The following SCAPER variants were observed in gnomAD, a reference collection of about 807,000 sequenced individuals.
SCAPER encodes the protein S-phase cyclin A associated protein in the ER, also known as S phase cyclin A-associated protein in the endoplasmic reticulum.
A neutral mutation model predicts 182.2 loss-of-function variants in SCAPER; 98 were observed. The observed-to-expected ratio is 0.54, with a 90% CI of 0.46 to 0.64. The LOEUF (loss-of-function observed/expected upper bound fraction) is 0.64, where lower values mean the gene tolerates loss of function less well. Ranked by LOEUF, SCAPER falls within the 30% of genes least tolerant of loss-of-function variation. SCAPER has a pLI of 0.00. For synonymous variants in SCAPER, 605 were observed against 564.6 expected (o/e 1.07, Z -1.01); for missense variants, 1,432 against 1,690.0 (o/e 0.85, Z 2.68).
chr15:76,745,612 G>A (rs2061755717), intron 15 of SCAPER, among the ~76,000 whole-genome samples: 1 of 152,056 alleles, frequency 6.6e-6, no homozygotes, highest in Non-Finnish European at 1.5e-5. Flanking sequence ...ACTATAAATG[G>A]TAGCTGATCT....
At chr15:76,556,305 C>T (rs543396132) in intron 23 of SCAPER, among the ~76,000 whole-genome samples, 2 of 152,158 alleles carry the variant, frequency 1.3e-5, no homozygotes, top group South Asian at 4.1e-4. Context: ...TAACCTACCA[C>T]CACACCAGAA....
chr15:76,710,880 C>T (rs2059526653), intron 17 of SCAPER, among the ~76,000 whole-genome samples: 1 of 152,038 alleles, frequency 6.6e-6, no homozygotes, highest in African/African-American at 2.4e-5. Flanking sequence ...GTCACAAGAA[C>T]AGACATATAG....
At chr15:76,569,824 T>G (rs2047310433) in intron 23 of SCAPER, among the ~76,000 whole-genome samples, 1 of 152,102 alleles carries the variant, frequency 6.6e-6, no homozygotes, top group South Asian at 2.1e-4. Context: ...ATTTTTGTAA[T>G]TTTTATTACT....
intron 18 of SCAPER, among the ~76,000 whole-genome samples, chr15:76,705,330 T>C (rs2059194958): frequency 1.5e-5 from 2 of 136,952 alleles, no homozygotes; most frequent in South Asian, 4.5e-4. Flanking sequence ...TTCTCACTCA[T>C]AGATGGGAAT....
rs571099253 is a variant in SCAPER at position 76,704,275 on chromosome 15, C to T, written c.2248-1273G>A. ...AATTTTCTCCCATTTTGTAGGTTGC[C>T]TGTTCACTCTGATGGTAGTTTCTTT... On this transcript the variant is annotated intron_variant, in intron 18 of 31. Coordinates refer to ENST00000563290, the MANE Select transcript of SCAPER (RefSeq NM_020843.4). Among the ~76,000 whole-genome samples, 37 of 152,214 alleles carry T rather than the reference C, an allele frequency of 2.4e-4. No homozygotes were observed. The East Asian group carries it at 7.0e-3, about 29-fold the overall frequency.
At chr15:76,462,827 T>G (rs1203315025) in intron 25 of SCAPER, among the ~76,000 whole-genome samples, 1 of 152,176 alleles carries the variant, frequency 6.6e-6, no homozygotes, top group Non-Finnish European at 1.5e-5. Context: ...ATCCCTTAAC[T>G]GTTCTCACCA....
At chr15:76,708,858 G>A (rs1214123341) in intron 17 of SCAPER, among the ~76,000 whole-genome samples, 1 of 152,062 alleles carries the variant, frequency 6.6e-6, no homozygotes, top group Non-Finnish European at 1.5e-5. Flanking sequence ...TTGAGGTCAG[G>A]AGTTCAAGAC....
At chr15:76,574,515 A>G (rs1440670143) in intron 22 of SCAPER, among the ~76,000 whole-genome samples, 2 of 152,220 alleles carry the variant, frequency 1.3e-5, no homozygotes, top group African/African-American at 2.4e-5. Context: ...AGTATTATCA[A>G]TCTACAGGAT....
chr15:76,626,084 G>A (rs2052549005), intron 21 of SCAPER, among the ~76,000 whole-genome samples: 2 of 152,056 alleles, frequency 1.3e-5, no homozygotes, highest in South Asian at 4.1e-4. Flanking sequence ...TGGGCCACAT[G>A]CGGCCTGCAG....
chr15:76,443,722 G>A (rs146627337), intron 25 of SCAPER, among the ~76,000 whole-genome samples: 68 of 152,340 alleles, frequency 4.5e-4, no homozygotes, highest in African/African-American at 1.6e-3. Flanking sequence ...CACTTGATGA[G>A]TGCCGAAACC....
rs551577520 is a variant in SCAPER, at chr15:76,607,799, T to A, written c.2711+13965A>T. Among the ~76,000 whole-genome samples the A allele has an allele frequency of 2.3e-3, 355 of 152,356 alleles. 2 individuals carry two copies. Among genetic ancestry groups the A allele is most frequent in the African/African-American group, 8.1e-3 (337 of 41,580 alleles). ...CCATCGCTGATACCCTTTCTTCCAGTTGATCGCATCGGCTACTGAGGCTTC... is the reference window on the plus strand; with the variant it reads ...CCATCGCTGATACCCTTTCTTCCAGATGATCGCATCGGCTACTGAGGCTTC... On this transcript the variant is annotated intron_variant, in intron 22 of 31. Coordinates refer to ENST00000563290, the MANE Select transcript of SCAPER (RefSeq NM_020843.4).
intron 21 of SCAPER, among the ~76,000 whole-genome samples, chr15:76,635,020 C>G (rs1275706302): frequency 6.6e-6 from 1 of 152,096 alleles, no homozygotes; most frequent in Non-Finnish European, 1.5e-5. Flanking sequence ...TGTTTCTGGT[C>G]ACAAAATCAT....
At chr15:76,802,719 T>C (rs889741661) in intron 6 of SCAPER, among the ~76,000 whole-genome samples, 1 of 152,142 alleles carries the variant, frequency 6.6e-6, no homozygotes, top group Non-Finnish European at 1.5e-5. Context: ...AAAAGATGCC[T>C]TTTTTACTGG....
intron 20 of SCAPER, among the ~76,000 whole-genome samples, chr15:76,672,921 T>C (rs572584767): frequency 6.6e-6 from 1 of 152,208 alleles, no homozygotes; most frequent in South Asian, 2.1e-4. Context: ...ACATATCTTA[T>C]TAAAATTTCT....
chr15:76,529,517 A>C (rs2043461485), intron 23 of SCAPER, among the ~76,000 whole-genome samples: 1 of 152,220 alleles, frequency 6.6e-6, no homozygotes, highest in Non-Finnish European at 1.5e-5. Context: ...GACCACAAAG[A>C]AAAATAGAGA....
rs1408552045 is a variant in SCAPER, at chr15:76,795,282, T to G, written c.770A>C (p.Asn257Thr). Residue 257 changes from asparagine to threonine, a missense_variant and splice_region_variant, in exon 8 of 32, where the codon AAT becomes ACT. Physicochemically the swap from Asn to Thr is moderately conservative, Grantham distance 65 (BLOSUM62 0). Around this residue, in one of 5 missense-constraint regions of SCAPER, gnomAD observed 480 missense variants for 510.2 expected, o/e 0.94. Coordinates refer to ENST00000563290, the MANE Select transcript of SCAPER (RefSeq NM_020843.4). ...ATGGCTAATTCGAAGTCACTTGCCA[T>G]TTTTGCGTGAGGCCTTCTGCACTGT... ...PMTVQKASRK[N>T]ERKDAEGWET... 1.2e-6 allele frequency: 2 copies of G among 1,607,134 alleles called. No homozygotes were observed. The highest frequency in any genetic ancestry group is 2.7e-5 in the African/African-American group (2 of 74,780).
At chr15:76,604,927 C>T (rs2050242030) in intron 22 of SCAPER, among the ~76,000 whole-genome samples, 1 of 152,050 alleles carries the variant, frequency 6.6e-6, no homozygotes, top group East Asian at 1.9e-4. Flanking sequence ...AGATTTTGGG[C>T]TGAGACGATG....
intron 22 of SCAPER, among the ~76,000 whole-genome samples, chr15:76,607,915 C>A (rs11072606): frequency 0.38 from 57,990 of 151,946 alleles, 13,069 homozygotes; most frequent in Middle Eastern, 0.52. Context: ...GTTATCCATT[C>A]GTCTAATTTT....
At chr15:76,792,850 C>T (rs1368478582) in intron 8 of SCAPER, among the ~76,000 whole-genome samples, 1 of 152,196 alleles carries the variant, frequency 6.6e-6, no homozygotes, top group Non-Finnish European at 1.5e-5. Context: ...CTGACTCAAA[C>T]AATTATGTGG....
Sources: allele counts gnomAD v4.1 joint callset (sites outside exome capture counted in the v4.1 genomes callset), GRCh38; gene constraint gnomAD v4.1.1; regional missense constraint gnomAD v4.1.1; transcripts MANE v1.5; gene names NCBI Gene and HGNC (gene_info 2026-07-23, HGNC 2026-07-21).